ZNF679: variants seen among roughly 807,000 people sequenced by gnomAD.
ZNF679 encodes hypothetical protein MGC42415.
ZNF679 carries 10 observed loss-of-function variants against 13.4 expected under a neutral mutation model. The ratio of observed to expected loss-of-function variants is 0.75; its 90% CI spans 0.46 to 1.27. The LOEUF (loss-of-function observed/expected upper bound fraction) is 1.27, where lower values mean the gene tolerates loss of function less well. Ranked by LOEUF, ZNF679 falls within the 50% of genes most tolerant of loss-of-function variation. The pLI, the probability that ZNF679 is intolerant of heterozygous loss-of-function variation, is 0.00. For missense variants in ZNF679, 525 were observed against 477.8 expected, an observed-to-expected ratio of 1.10 and a Z score of -0.92; for synonymous variants, 179 against 162.5, an observed-to-expected ratio of 1.10 and a Z score of -0.77.
chr7:64,235,336 A>C (rs1013573106), intron 1 of ZNF679, among the ~76,000 whole-genome samples: 1 of 129,188 alleles, frequency 7.7e-6, no homozygotes, highest in East Asian at 2.8e-4. Context: ...TCTGAGATAC[A>C]AAAAAAAAAA....
chr7:64,232,760 T>C (rs1345517142), intron 1 of ZNF679, among the ~76,000 whole-genome samples: 1 of 152,180 alleles, frequency 6.6e-6, no homozygotes, highest in Non-Finnish European at 1.5e-5. Context: ...ATAATGGGCC[T>C]GGTGATATGT....
At chr7:64,243,861 C>T (rs896242204) in intron 1 of ZNF679, among the ~76,000 whole-genome samples, 1 of 152,166 alleles carries the variant, frequency 6.6e-6, no homozygotes, top group East Asian at 1.9e-4. Flanking sequence ...GAGTCAATAT[C>T]TCCTGTGAGT....
intron 2 of ZNF679, among the ~76,000 whole-genome samples, chr7:64,259,505 G>A (rs1488980618): frequency 6.6e-6 from 1 of 152,118 alleles, no homozygotes. Flanking sequence ...AGAAAGTTCT[G>A]AAAAAACCTA....
At chr7:64,263,899 T>C (rs1788109521) in intron 4 of ZNF679, among the ~76,000 whole-genome samples, 1 of 152,186 alleles carries the variant, frequency 6.6e-6, no homozygotes, top group Admixed American at 6.5e-5. Flanking sequence ...TATAATGTTT[T>C]TCAGGTTTTC....
At chr7:64,264,538 A>G (rs193044910) in intron 4 of ZNF679, among the ~76,000 whole-genome samples, 34 of 151,934 alleles carry the variant, frequency 2.2e-4, no homozygotes, top group Admixed American at 1.8e-3. Context: ...TCTTTTCAGC[A>G]TTTTATTTAG....
In ZNF679 at chr7:64,245,426, A is replaced by AGAGAGAGAGAGG. The variant is rs1562842840; in HGVS notation, c.-90-3591_-90-3590insGGAGAGAGAGAG. 3.4e-3 allele frequency among the ~76,000 whole-genome samples: 507 copies of AGAGAGAGAGAGG among 148,476 alleles called. 41 individuals are homozygous for AGAGAGAGAGAGG. In the East Asian group the frequency reaches 0.047, roughly 14 times the overall value. The stretch of plus-strand genomic sequence containing the variant: ...ATAGGAAAGGGAGAGAGAGAAAGAG[A>AGAGAGAGAGAGG]GAGAGAGAGAGAGAGAGGGAGAGAG... On this transcript the variant is annotated intron_variant, in intron 1 of 4. Transcript: ENST00000421025.
chr7:64,266,363 G>T lies in ZNF679; in HGVS notation c.730G>T (p.Glu244Ter), dbSNP rs1287223197. 1 of 1,613,436 alleles carries T rather than the reference G, an allele frequency of 6.2e-7. No individual in the cohort carries two copies. Among genetic ancestry groups the T allele is most frequent in the Non-Finnish European group, 8.5e-7 (1 of 1,179,748 alleles). Residue 244 changes from glutamate (E) to a stop codon, truncating the protein, a stop_gained, in exon 5 of 5, where the codon GAA becomes TAA. Transcript: ENST00000421025. LOFTEE classifies it low-confidence loss of function (END_TRUNC). ...HTGEKPYRCE[E>*]CGKAFTWSST... ...TGGAGAGAAACCCTACAGATGTGAG[G>T]AATGTGGCAAAGCTTTTACCTGGTC...
At chr7:64,255,607 AT>A (rs1028785967) in intron 2 of ZNF679, among the ~76,000 whole-genome samples, 1 of 104,112 alleles carries the variant, frequency 9.6e-6, no homozygotes, top group Non-Finnish European at 2.1e-5. Flanking sequence ...CCCACCCATG[AT>A]TTTTTTTATT....
Position 64,265,899 on chromosome 7 carries a change from T to C in ZNF679, c.266T>C (p.Met89Thr), listed in dbSNP as rs1362290283. Residue 89 changes from methionine to threonine, a missense_variant, in exon 5 of 5, where the codon ATG becomes ACG. Met to Thr is a moderately conservative substitution (Grantham distance 81). Transcript: ENST00000421025. The part of the protein sequence containing the change: ...RNEMVTKHPV[M>T]CSHFTQDLPP... The stretch of plus-strand genomic sequence containing the variant: ...TTGTGATTTTTATGTCTTTCAGTTA[T>C]GTGTTCTCATTTCACCCAAGACCTT... 3 of 1,612,542 alleles carry C rather than the reference T, an allele frequency of 1.9e-6. No individual in the cohort carries two copies. The highest frequency in any genetic ancestry group is 4.5e-5 in the East Asian group (2 of 44,840).
At chr7:64,229,356 C>T (rs897543532) in intron 1 of ZNF679, among the ~76,000 whole-genome samples, 24 of 152,142 alleles carry the variant, frequency 1.6e-4, no homozygotes, top group African/African-American at 5.3e-4. Context: ...AGTGAGACAA[C>T]GTCTCTTCTA....
In ZNF679 at chr7:64,260,241, T is replaced by G. The variant is rs566549719; in HGVS notation, c.60T>G (p.Asp20Glu). ...TTCAGGGACTGTTGACATTCAGAGA[T>G]GTAGTCATAGAATTCTCTCTGGAGG... ...SREMGLLTFR[D>E]VVIEFSLEEW... The change falls in exon 3 of 5, where the codon GAT (aspartate) becomes GAG (glutamate). Residue 20 changes from aspartate (D) to glutamate (E), a missense_variant. Coordinates refer to ENST00000421025, the MANE Select transcript of ZNF679 (RefSeq NM_153363.3). 61 of 1,608,928 alleles carry G rather than the reference T, an allele frequency of 3.8e-5. 1 individual carries two copies. The South Asian group carries it at 6.5e-4, about 17-fold the overall frequency.
At chr7:64,231,038 C>T (rs10282614) in intron 1 of ZNF679, among the ~76,000 whole-genome samples, 106,108 of 152,056 alleles carry the variant, frequency 0.7, 37,396 homozygotes, top group East Asian at 0.9. Flanking sequence ...GACTGTTGGC[C>T]GTGCCTATGA....
intron 1 of ZNF679, among the ~76,000 whole-genome samples, chr7:64,241,327 G>A (rs1584227547): frequency 6.6e-6 from 1 of 152,328 alleles, no homozygotes; most frequent in African/African-American, 2.4e-5. Flanking sequence ...AATCCCAATT[G>A]TGGAGACAGA....
At chr7:64,248,019 CT>C (rs200312359) in intron 1 of ZNF679, among the ~76,000 whole-genome samples, 4 of 151,448 alleles carry the variant, frequency 2.6e-5, no homozygotes, top group Admixed American at 1.3e-4. Flanking sequence ...AGACTGCGTA[CT>C]TTTTTTTTAA....
chr7:64,229,466 G>A (rs1270766086), intron 1 of ZNF679, among the ~76,000 whole-genome samples: 2 of 152,054 alleles, frequency 1.3e-5, no homozygotes, highest in African/African-American at 2.4e-5. Context: ...CGACAGTCAC[G>A]ATTCCAACTG....
intron 4 of ZNF679, among the ~76,000 whole-genome samples, chr7:64,265,658 A>G (rs1788133798): frequency 6.6e-6 from 1 of 152,302 alleles, no homozygotes; most frequent in East Asian, 1.9e-4. Context: ...TTTTCTGTCT[A>G]TATGGCTCTT....
intron 1 of ZNF679, among the ~76,000 whole-genome samples, chr7:64,233,955 A>AGAAGGAT (rs959391590): frequency 6.6e-6 from 1 of 152,172 alleles, no homozygotes; most frequent in African/African-American, 2.4e-5. Flanking sequence ...AAGAGAGTCA[A>AGAAGGAT]GAAGGATGAA....
At chr7:64,257,459 T>C (rs918263389) in intron 2 of ZNF679, among the ~76,000 whole-genome samples, 2 of 152,160 alleles carry the variant, frequency 1.3e-5, no homozygotes, top group Non-Finnish European at 2.9e-5. Flanking sequence ...TAGAGAAACA[T>C]AGGAATAAAT....
intron 1 of ZNF679, among the ~76,000 whole-genome samples, chr7:64,238,931 C>T (rs556768053): frequency 4.3e-4 from 65 of 152,198 alleles, no homozygotes; most frequent in African/African-American, 1.4e-3. Context: ...TTTAGACTCT[C>T]ATAGATAGGC....
Sources: allele counts gnomAD v4.1 joint callset (sites outside exome capture counted in the v4.1 genomes callset), GRCh38; gene constraint gnomAD v4.1.1; transcripts MANE v1.5; gene names NCBI Gene and HGNC (gene_info 2026-07-23, HGNC 2026-07-21).